Variants in MAGI1 observed in about 807,000 individuals in gnomAD.
The protein encoded by MAGI1 is membrane associated guanylate kinase, WW and PDZ domain containing 1.
MAGI1 carries 58 observed loss-of-function variants against 139.9 expected under a neutral mutation model. The ratio of observed to expected loss-of-function variants is 0.41; its 90% CI spans 0.34 to 0.52. MAGI1 has a LOEUF of 0.52. MAGI1 is among the 20% of genes least tolerant of loss of function. The pLI, the probability that MAGI1 is intolerant of heterozygous loss-of-function variation, is 0.12. For missense variants in MAGI1, 1,874 were observed against 1,901.6 expected, an observed-to-expected ratio of 0.99 and a Z score of 0.27; for synonymous variants, 812 against 737.9, an observed-to-expected ratio of 1.10 and a Z score of -1.63.
At chr3:65,525,052 T>C (rs1446950002) in intron 2 of MAGI1, among the ~76,000 whole-genome samples, 2 of 152,164 alleles carry the variant, frequency 1.3e-5, no homozygotes. Flanking sequence ...CCTCTCCCCT[T>C]GGCTCCAGCA....
chr3:65,736,387 T>C (rs1389220293), intron 1 of MAGI1, among the ~76,000 whole-genome samples: 1 of 152,132 alleles, frequency 6.6e-6, no homozygotes, highest in Non-Finnish European at 1.5e-5. Context: ...AGGACATATA[T>C]ATACAGATAT....
chr3:65,948,253 C>G (rs909101771), intron 1 of MAGI1, among the ~76,000 whole-genome samples: 1 of 152,094 alleles, frequency 6.6e-6, no homozygotes, highest in Non-Finnish European at 1.5e-5. Context: ...CTGGCAGTAT[C>G]TTTTTAAAAA....
chr3:65,952,631 AG>A (rs1200829781), intron 1 of MAGI1, among the ~76,000 whole-genome samples: 1 of 152,134 alleles, frequency 6.6e-6, no homozygotes, highest in East Asian at 1.9e-4. Context: ...TGGCTAAAAC[AG>A]TAAAACCCCA....
intron 10 of MAGI1, 148 bp from the exon 11 acceptor site, chr3:65,431,029 T>G (rs146684094): frequency 1.3e-6 from 1 of 747,380 alleles, no homozygotes; most frequent in Non-Finnish European, 2.1e-6. Flanking sequence ...CTCTCTTAAT[T>G]TGAGGAATAA....
chr3:65,474,276 CA>C (rs1227679409), intron 4 of MAGI1, among the ~76,000 whole-genome samples: 2 of 146,790 alleles, frequency 1.4e-5, no homozygotes, highest in African/African-American at 2.5e-5. Context: ...AACAAACAAA[CA>C]AAACCTTTCA....
At chr3:65,470,865 T>C (rs1411838525) in intron 4 of MAGI1, among the ~76,000 whole-genome samples, 1 of 152,234 alleles carries the variant, frequency 6.6e-6, no homozygotes, top group Non-Finnish European at 1.5e-5. Context: ...TTTGATTTCA[T>C]TAGTCAGAAG....
chr3:65,884,491 A>G (rs187378737), intron 1 of MAGI1, among the ~76,000 whole-genome samples: 1 of 152,220 alleles, frequency 6.6e-6, no homozygotes, highest in Non-Finnish European at 1.5e-5. Flanking sequence ...GATAAAATTA[A>G]GGAAGAATAC....
At chr3:65,761,352 C>T (rs2037007698) in intron 1 of MAGI1, among the ~76,000 whole-genome samples, 1 of 151,890 alleles carries the variant, frequency 6.6e-6, no homozygotes, top group Admixed American at 6.6e-5. Flanking sequence ...CTAAAGAGGA[C>T]AAATGGAGTC....
At chr3:65,737,014 T>C (rs1339657730) in intron 1 of MAGI1, among the ~76,000 whole-genome samples, 3 of 152,264 alleles carry the variant, frequency 2.0e-5, no homozygotes, top group East Asian at 3.9e-4. Context: ...TTTTTTTTTT[T>C]TTTCTTTTTG....
chr3:65,713,463 A>T (rs1473267350), intron 1 of MAGI1, among the ~76,000 whole-genome samples: 1 of 151,942 alleles, frequency 6.6e-6, no homozygotes, highest in Non-Finnish European at 1.5e-5. Flanking sequence ...AAAGAAAGAA[A>T]CTCTTTTATT....
At chr3:65,652,674 T>C (rs1199819787) in intron 1 of MAGI1, among the ~76,000 whole-genome samples, 2 of 152,144 alleles carry the variant, frequency 1.3e-5, no homozygotes, top group African/African-American at 2.4e-5. Context: ...GCAAACCCAA[T>C]AGAATGACTG....
At chr3:65,920,393 C>T (rs1316572213) in intron 1 of MAGI1, among the ~76,000 whole-genome samples, 4 of 152,136 alleles carry the variant, frequency 2.6e-5, no homozygotes, top group Non-Finnish European at 4.4e-5. Flanking sequence ...ATTGGATCTT[C>T]CATCAAATTC....
chr3:65,913,142 T>C (rs2061742178), intron 1 of MAGI1, among the ~76,000 whole-genome samples: 1 of 151,972 alleles, frequency 6.6e-6, no homozygotes, highest in Non-Finnish European at 1.5e-5. Flanking sequence ...ACACCTGTAA[T>C]CCCAGATACT....
chr3:65,494,576 C>T (rs1038349813), intron 2 of MAGI1, among the ~76,000 whole-genome samples: 11 of 152,226 alleles, frequency 7.2e-5, no homozygotes, highest in African/African-American at 2.7e-4. Flanking sequence ...TCTGCTGTTA[C>T]ATTCAACAGA....
At chr3:65,610,752 A>T (rs78262565) in intron 2 of MAGI1, among the ~76,000 whole-genome samples, 80,588 of 122,698 alleles carry the variant, frequency 0.66, 27,999 homozygotes, top group Non-Finnish European at 0.75. Flanking sequence ...GTATATATAC[A>T]GTATATATAT....
chr3:65,650,827 A>G (rs1337345119), intron 1 of MAGI1, among the ~76,000 whole-genome samples: 1 of 152,236 alleles, frequency 6.6e-6, no homozygotes, highest in Admixed American at 6.5e-5. Context: ...CAATTAAAGT[A>G]TGAGAGGCAT....
intron 2 of MAGI1, among the ~76,000 whole-genome samples, chr3:65,584,347 T>A (rs1310181010): frequency 6.6e-6 from 1 of 152,162 alleles, no homozygotes; most frequent in Non-Finnish European, 1.5e-5. Flanking sequence ...CTATATCTAT[T>A]GGCCTGGTTT....
At chr3:65,822,935 T>C (rs868029244) in intron 1 of MAGI1, among the ~76,000 whole-genome samples, 2 of 152,172 alleles carry the variant, frequency 1.3e-5, no homozygotes, top group Non-Finnish European at 1.5e-5. Flanking sequence ...GACATGAGAT[T>C]TGGTGGGGAC....
chr3:65,759,302 C>A (rs1355108846), intron 1 of MAGI1, among the ~76,000 whole-genome samples: 1 of 152,154 alleles, frequency 6.6e-6, no homozygotes, highest in Non-Finnish European at 1.5e-5. Context: ...TCATGGATGT[C>A]ATTTAACCCG....
Sources: allele counts gnomAD v4.1 joint callset (sites outside exome capture counted in the v4.1 genomes callset), GRCh38; gene constraint gnomAD v4.1.1; transcripts MANE v1.5; gene names NCBI Gene and HGNC (gene_info 2026-07-23, HGNC 2026-07-21).